The following TBL1XR1 variants were observed in gnomAD, a reference collection of about 807,000 sequenced individuals.
The protein encoded by TBL1XR1 is TBL1X/Y related 1.
In TBL1XR1, 5 loss-of-function variants were observed where a neutral mutation model predicts 66.9. The observed-to-expected ratio is 0.07, with a 90% confidence interval of 0.04 to 0.16. The LOEUF (loss-of-function observed/expected upper bound fraction) is 0.16, where lower values mean the gene tolerates loss of function less well. Ranked by LOEUF, TBL1XR1 falls within the 10% of genes least tolerant of loss-of-function variation. The probability of loss-of-function intolerance (pLI) is 1.00; values close to 1 mark genes in which losing one functional copy is unlikely to be tolerated. For missense variants in TBL1XR1, 238 were observed against 623.2 expected, an observed-to-expected ratio of 0.38 and a Z score of 6.58; for synonymous variants, 210 against 206.0, an observed-to-expected ratio of 1.02 and a Z score of -0.17.
At chr3:177,168,982 GT>G (rs1334192496) in intron 1 of TBL1XR1, among the ~76,000 whole-genome samples, 1 of 152,088 alleles carries the variant, frequency 6.6e-6, no homozygotes, top group Non-Finnish European at 1.5e-5. Context: ...CTTAGACTAA[GT>G]GATTAACTTT....
intron 2 of TBL1XR1, among the ~76,000 whole-genome samples, chr3:177,087,602 TGAA>T (rs1722306945): frequency 6.6e-6 from 1 of 152,206 alleles, no homozygotes; most frequent in Non-Finnish European, 1.5e-5. Flanking sequence ...GGACAGAAGT[TGAA>T]GAAGCAAACA....
intron 1 of TBL1XR1, among the ~76,000 whole-genome samples, chr3:177,110,385 A>G (rs1725402739): frequency 6.6e-6 from 1 of 152,258 alleles, no homozygotes; most frequent in African/African-American, 2.4e-5. Context: ...CAAAGCTTAC[A>G]ATGTATCTAG....
At position 177,164,154 on chromosome 3, in the gene TBL1XR1, A is replaced by C. The variant is rs923756895; in HGVS notation, c.-122+32967T>G. On this transcript the variant is annotated intron_variant, in intron 1 of 15. Transcript: ENST00000457928. ...AAAACAACTAACATAACATTTCAAA[A>C]TTCTTGTTCCAGAGCTGAGTAAAAT... 2.6e-5 allele frequency among the ~76,000 whole-genome samples: 4 copies of C among 152,144 alleles called. No homozygotes were observed. The East Asian group carries it at 7.7e-4, about 29-fold the overall frequency.
chr3:177,192,372 G>A (rs1736260730), intron 1 of TBL1XR1, among the ~76,000 whole-genome samples: 2 of 145,706 alleles, frequency 1.4e-5, no homozygotes, highest in African/African-American at 2.6e-5. Context: ...TCCAACCTGG[G>A]CAACAAACAA....
rs183736640 is a variant in TBL1XR1, at chr3:177,152,565, G to A, written c.-122+44556C>T. On this transcript the variant is annotated intron_variant, in intron 1 of 15. Transcript: ENST00000457928. ...CTCCCAAAATGCTGGGATTACAGGC[G>A]TGAGCGTGAGCCATGGTGCCCGGCC... is the stretch of plus-strand genomic sequence containing the variant. Among the ~76,000 whole-genome samples, 131 of 152,274 alleles carry A rather than the reference G, an allele frequency of 8.6e-4. 2 individuals carry two copies. Among genetic ancestry groups the A allele is most frequent in the Middle Eastern group, 3.4e-3 (1 of 294 alleles).
At chr3:177,084,187 A>G (rs148590264) in intron 2 of TBL1XR1, among the ~76,000 whole-genome samples, 1 of 152,316 alleles carries the variant, frequency 6.6e-6, no homozygotes, top group Non-Finnish European at 1.5e-5. Flanking sequence ...TAACAAACGT[A>G]TGTACCTGAG....
rs3046468 is a variant in TBL1XR1 at position 177,054,045 on chromosome 3, CGTGTGTGTGTGTGT to C, written c.59-141_59-128del. The C allele has an allele frequency of 2.8e-5, 17 of 615,656 alleles. No homozygotes were observed. In the South Asian group the frequency reaches 2.8e-4, roughly 10 times the overall value. The allele number at this position is 615,656 out of a possible 1,614,324, so 38.1% of individuals were successfully genotyped here. On this transcript the variant is annotated intron_variant, in intron 3 of 15. Coordinates refer to ENST00000457928, the MANE Select transcript of TBL1XR1 (RefSeq NM_024665.7). Reference sequence around the variant, plus strand: ...CCCATTTAAAATCCCAGACGAAGGTCGTGTGTGTGTGTGTGTGTGTGTGTGTGTGCGCGCGCGTG... The same window carrying C: ...CCCATTTAAAATCCCAGACGAAGGTCGTGTGTGTGTGTGTGCGCGCGCGTG...
intron 1 of TBL1XR1, chr3:177,110,771 T>TTTTGGGAAGCCCCAAATATTTGGGATA (rs1725459588): frequency 6.6e-6 from 1 of 152,096 alleles, no homozygotes; most frequent in Non-Finnish European, 1.5e-5. Flanking sequence ...GGGGGGGATA[T>TTTTGGGAAGCCCCAAATATTTGGGATA]TTTGGGAAGC....
intron 1 of TBL1XR1, among the ~76,000 whole-genome samples, chr3:177,117,790 AAT>A (rs1315559042): frequency 2.6e-5 from 4 of 152,204 alleles, no homozygotes; most frequent in Admixed American, 2.6e-4. Context: ...GATTGGGAGA[AAT>A]ATAAAGTAAA....
At chr3:177,048,431 A>G (rs1038566710) in intron 7 of TBL1XR1, among the ~76,000 whole-genome samples, 1 of 152,164 alleles carries the variant, frequency 6.6e-6, no homozygotes, top group African/African-American at 2.4e-5. Context: ...AAGATCACCT[A>G]TTTCACATCT....
chr3:177,040,831 A>G (rs1362086338), intron 10 of TBL1XR1, among the ~76,000 whole-genome samples: 1 of 152,218 alleles, frequency 6.6e-6, no homozygotes, highest in Non-Finnish European at 1.5e-5. Flanking sequence ...ACTAGGTATC[A>G]GGACACCACT....
intron 1 of TBL1XR1, among the ~76,000 whole-genome samples, chr3:177,153,581 T>C (rs530726208): frequency 1.3e-5 from 2 of 152,110 alleles, no homozygotes; most frequent in Non-Finnish European, 1.5e-5. Flanking sequence ...TACTTGAACA[T>C]AGACTGTAAA....
At chr3:177,095,129 T>C (rs1723303444) in intron 2 of TBL1XR1, among the ~76,000 whole-genome samples, 1 of 149,994 alleles carries the variant, frequency 6.7e-6, no homozygotes, top group Non-Finnish European at 1.5e-5. Flanking sequence ...AAAAGACAAA[T>C]AGTATATGGT....
chr3:177,087,615 A>G (rs559590504), intron 2 of TBL1XR1, among the ~76,000 whole-genome samples: 1 of 152,236 alleles, frequency 6.6e-6, no homozygotes, highest in Non-Finnish European at 1.5e-5. Context: ...AGAAGCAAAC[A>G]AACAGAACCT....
At chr3:177,151,543 G>A (rs577242871) in intron 1 of TBL1XR1, among the ~76,000 whole-genome samples, 12 of 152,196 alleles carry the variant, frequency 7.9e-5, no homozygotes, top group South Asian at 2.1e-4. Context: ...GAAACCACCC[G>A]CCTACCCTCT....
chr3:177,036,159 T>C (rs1181097661), intron 12 of TBL1XR1, among the ~76,000 whole-genome samples: 1 of 152,206 alleles, frequency 6.6e-6, no homozygotes, highest in Non-Finnish European at 1.5e-5. Flanking sequence ...CAAGAAGATA[T>C]GTGTCTATTT....
In TBL1XR1 at chr3:177,046,033, A is replaced by G. The variant is rs181174211; in HGVS notation, c.925+96T>C. The G allele has an allele frequency of 1.3e-4, 121 of 951,320 alleles. No individual in the cohort carries two copies. In the African/African-American group the frequency reaches 2.0e-3, roughly 16 times the overall value. 58.9% of individuals were successfully genotyped at this position (951,320 alleles called of 1,614,324 possible). A position where few individuals can be genotyped will look rare whatever the true frequency, so the allele number is the denominator to read the frequency against. ...GGACTAGTAACAAGACTGATACTTGATATTTCAACATTTAAAATAAATTAT... is the reference window on the plus strand; with the variant it reads ...GGACTAGTAACAAGACTGATACTTGGTATTTCAACATTTAAAATAAATTAT... On this transcript the variant is annotated intron_variant, in intron 10 of 15. Coordinates refer to ENST00000457928, the MANE Select transcript of TBL1XR1 (RefSeq NM_024665.7).
intron 1 of TBL1XR1, among the ~76,000 whole-genome samples, chr3:177,121,890 G>C (rs1475134915): frequency 6.6e-6 from 1 of 151,594 alleles, no homozygotes; most frequent in Non-Finnish European, 1.5e-5. Context: ...CTAATAAAAA[G>C]AGCCATTAAT....
intron 1 of TBL1XR1, among the ~76,000 whole-genome samples, chr3:177,117,668 C>T (rs1287504323): frequency 1.3e-5 from 2 of 152,152 alleles, no homozygotes; most frequent in African/African-American, 2.4e-5. Flanking sequence ...AATGTTAACA[C>T]TTTGATTCAG....
Sources: gnomAD v4.1 joint callset for allele counts (sites outside exome capture counted in the v4.1 genomes callset) on GRCh38, gnomAD v4.1.1 for gene constraint, MANE v1.5 for transcripts, NCBI Gene and HGNC (gene_info 2026-07-23, HGNC 2026-07-21) for gene names.